The following DPP10 variants were observed in gnomAD, a reference collection of about 807,000 sequenced individuals.
The protein encoded by DPP10 is inactive dipeptidyl peptidase 10.
In DPP10, 33 loss-of-function variants were observed where a neutral mutation model predicts 120.9. The ratio of observed to expected loss-of-function variants is 0.27; its 90% confidence interval spans 0.21 to 0.37. DPP10 has a LOEUF of 0.37. Among genes scored for constraint, DPP10 ranks in the 10% least tolerant of loss-of-function variants. DPP10 has a pLI of 1.00. For synonymous variants in DPP10, 337 were observed against 326.1 expected, an observed-to-expected ratio of 1.03 and a Z score of -0.36; for missense variants, 816 against 942.8, an observed-to-expected ratio of 0.87 and a Z score of 1.76.
chr2:115,738,593 G>A (rs973524743), intron 8 of DPP10, among the ~76,000 whole-genome samples: 2 of 152,078 alleles, frequency 1.3e-5, no homozygotes, highest in Non-Finnish European at 2.9e-5. Flanking sequence ...TTCTCCCAAT[G>A]CCTTTTCCCT....
intron 1 of DPP10, among the ~76,000 whole-genome samples, chr2:114,570,554 G>T (rs1175623485): frequency 6.6e-6 from 1 of 152,086 alleles, no homozygotes; most frequent in Non-Finnish European, 1.5e-5. Flanking sequence ...GGCCGGGCAT[G>T]GTGGCTCACG....
chr2:115,525,609 G>A (rs2078081880), intron 4 of DPP10, among the ~76,000 whole-genome samples: 1 of 151,724 alleles, frequency 6.6e-6, no homozygotes, highest in Non-Finnish European at 1.5e-5. Flanking sequence ...ATTTCAATAG[G>A]CCTTTGAACT....
chr2:115,625,862 A>T (rs2085316681), intron 5 of DPP10, among the ~76,000 whole-genome samples: 1 of 152,014 alleles, frequency 6.6e-6, no homozygotes, highest in South Asian at 2.1e-4. Context: ...ACTGATATAA[A>T]GTGATTAAGA....
At chr2:115,477,536 A>G (rs916813080) in intron 3 of DPP10, among the ~76,000 whole-genome samples, 3 of 152,182 alleles carry the variant, frequency 2.0e-5, no homozygotes, top group Non-Finnish European at 2.9e-5. Flanking sequence ...TTCCACATAC[A>G]TGGATTGAGA....
chr2:114,863,544 C>T (rs1689991948), intron 1 of DPP10, among the ~76,000 whole-genome samples: 1 of 152,108 alleles, frequency 6.6e-6, no homozygotes, highest in Non-Finnish European at 1.5e-5. Flanking sequence ...TCCCAATTGC[C>T]ATCCTGACCA....
intron 2 of DPP10, among the ~76,000 whole-genome samples, chr2:115,323,130 C>G (rs1330005407): frequency 3.3e-5 from 5 of 152,160 alleles, no homozygotes; most frequent in Admixed American, 3.3e-4. Context: ...GACCTTCTTT[C>G]AAAATGGGAG....
intron 3 of DPP10, among the ~76,000 whole-genome samples, chr2:115,442,359 G>C (rs1333333494): frequency 2.2e-5 from 3 of 136,214 alleles, no homozygotes; most frequent in Admixed American, 2.1e-4. Context: ...CTGTGTGTGT[G>C]TGTTTGTGTG....
chr2:115,742,669 A>G (rs979748654), intron 9 of DPP10, among the ~76,000 whole-genome samples: 6 of 152,104 alleles, frequency 3.9e-5, no homozygotes, highest in African/African-American at 9.7e-5. Context: ...ATTTTTTATT[A>G]TCTACTCTGG....
At chr2:114,488,071 C>G (rs1186608911) in intron 1 of DPP10, among the ~76,000 whole-genome samples, 1 of 152,160 alleles carries the variant, frequency 6.6e-6, no homozygotes, top group Non-Finnish European at 1.5e-5. Context: ...AAGTTACATA[C>G]AAATAGTGTT....
chr2:115,804,941 A>G (rs1025460982), intron 19 of DPP10, among the ~76,000 whole-genome samples: 3 of 152,174 alleles, frequency 2.0e-5, no homozygotes, highest in Admixed American at 6.5e-5. Context: ...TGGGAAAACT[A>G]CTACTCTCTT....
At chr2:114,680,537 GTGCATCTCTTCACTC>G (rs1452257816) in intron 1 of DPP10, among the ~76,000 whole-genome samples, 1 of 151,794 alleles carries the variant, frequency 6.6e-6, no homozygotes, top group African/African-American at 2.4e-5. Context: ...AAAGCTAATT[GTGCATCTCTTCACTC>G]TGTACAATGT....
chr2:114,600,029 T>C (rs992641010), intron 1 of DPP10, among the ~76,000 whole-genome samples: 2 of 151,722 alleles, frequency 1.3e-5, no homozygotes, highest in Admixed American at 1.3e-4. Context: ...GTATTCTGTT[T>C]GGGATTCATT....
intron 7 of DPP10, among the ~76,000 whole-genome samples, chr2:115,718,707 C>A (rs1575596251): frequency 6.6e-6 from 1 of 151,916 alleles, no homozygotes; most frequent in East Asian, 1.9e-4. Context: ...AAAATAAGAT[C>A]TTGTATTTTT....
rs191279540 is a variant in DPP10 at position 114,883,541 on chromosome 2, A to T, written c.61-425698A>T. On this transcript the variant is annotated intron_variant, in intron 1 of 25. Transcript: ENST00000410059. ...CATGCTCATTTCAGTTCATTTGGCC[A>T]TGACTCTGGCTCATTTTTCCTGGCC... Among the ~76,000 whole-genome samples the T allele has an allele frequency of 1.2e-3, 190 of 152,296 alleles. No homozygotes were observed. The Middle Eastern group carries it at 0.02, about 16-fold the overall frequency.
At chr2:115,409,711 C>T (rs1270707123) in intron 3 of DPP10, among the ~76,000 whole-genome samples, 3 of 152,198 alleles carry the variant, frequency 2.0e-5, no homozygotes, top group Non-Finnish European at 2.9e-5. Context: ...CACATGCATG[C>T]ACATGTTTAT....
chr2:115,206,178 C>T (rs751578005), intron 1 of DPP10, among the ~76,000 whole-genome samples: 10 of 152,116 alleles, frequency 6.6e-5, no homozygotes, highest in Non-Finnish European at 1.2e-4. Flanking sequence ...TATTTCCTTA[C>T]GGACTATGAG....
At chr2:115,711,578 T>C (rs1234986717) in intron 7 of DPP10, among the ~76,000 whole-genome samples, 1 of 152,072 alleles carries the variant, frequency 6.6e-6, no homozygotes, top group East Asian at 1.9e-4. Context: ...GCTAATCCTA[T>C]ATAGGTGTGG....
chr2:115,239,966 T>C (rs1461053210), intron 1 of DPP10, among the ~76,000 whole-genome samples: 1 of 152,196 alleles, frequency 6.6e-6, no homozygotes, highest in Non-Finnish European at 1.5e-5. Context: ...TATTCCATGG[T>C]GAATATGTGC....
chr2:115,823,857 T>C (rs1688046963), intron 21 of DPP10, among the ~76,000 whole-genome samples: 1 of 152,196 alleles, frequency 6.6e-6, no homozygotes, highest in South Asian at 2.1e-4. Context: ...TAAATCTCAA[T>C]GTAAAAAGCG....
Sources: allele counts gnomAD v4.1 joint callset (sites outside exome capture counted in the v4.1 genomes callset), GRCh38; gene constraint gnomAD v4.1.1; transcripts MANE v1.5; gene names NCBI Gene and HGNC (gene_info 2026-07-23, HGNC 2026-07-21).